SYT16: variants seen among roughly 807,000 people sequenced by gnomAD.
SYT16 encodes the protein synaptotagmin-16.
SYT16 carries 42 observed loss-of-function variants against 61.4 expected under a neutral mutation model. That is an observed-to-expected ratio of 0.68 (90% CI 0.53 to 0.89). SYT16 has a LOEUF of 0.89. SYT16 is among the 40% of genes least tolerant of loss of function. The pLI, the probability that SYT16 is intolerant of heterozygous loss-of-function variation, is 0.00. For missense variants in SYT16, 804 were observed against 807.3 expected (o/e 1.00, Z 0.05); for synonymous variants, 314 against 302.3 (o/e 1.04, Z -0.40).
intron 1 of SYT16, chr14:61,865,359 G>A (rs1404362089): frequency 4.6e-6 from 3 of 658,980 alleles, no homozygotes; most frequent in Middle Eastern, 5.4e-4. Context: ...AAGGGAAACA[G>A]GGCACACAAG....
intron 1 of SYT16, among the ~76,000 whole-genome samples, chr14:61,922,148 G>A (rs1156307503): frequency 6.6e-6 from 1 of 152,180 alleles, no homozygotes. Context: ...GCTAGACACA[G>A]AGCTACCATT....
At chr14:62,026,382 A>ACTGGTAT (rs922742065) in intron 3 of SYT16, among the ~76,000 whole-genome samples, 1 of 152,200 alleles carries the variant, frequency 6.6e-6, no homozygotes, top group Non-Finnish European at 1.5e-5. Context: ...AGATCAAGGC[A>ACTGGTAT]CTGGTATCTG....
At chr14:62,041,045 C>G (rs1253353521) in intron 3 of SYT16, among the ~76,000 whole-genome samples, 1 of 152,198 alleles carries the variant, frequency 6.6e-6, no homozygotes, top group East Asian at 1.9e-4. Context: ...AGTTCGAAAG[C>G]TGAAGAACTT....
At chr14:61,871,162 T>C (rs2047319690) in intron 1 of SYT16, among the ~76,000 whole-genome samples, 1 of 152,184 alleles carries the variant, frequency 6.6e-6, no homozygotes, top group Non-Finnish European at 1.5e-5. Flanking sequence ...AATTTGGCCC[T>C]ACTAATGAGG....
intron 1 of SYT16, among the ~76,000 whole-genome samples, chr14:61,920,478 C>T (rs1442371963): frequency 6.6e-6 from 1 of 152,008 alleles, no homozygotes; most frequent in African/African-American, 2.4e-5. Context: ...TGGTTTTAAC[C>T]TTTCTTTCTG....
chr14:61,836,181 A>G (rs1039624151), intron 1 of SYT16, among the ~76,000 whole-genome samples: 2 of 152,024 alleles, frequency 1.3e-5, no homozygotes, highest in Non-Finnish European at 1.5e-5. Flanking sequence ...TCAAGTCTTT[A>G]CTCCTGTATC....
chr14:62,111,532 T>C lies in SYT16; in HGVS notation c.*10825T>C, dbSNP rs1356990753. 1 of 152,142 alleles carries C rather than the reference T, an allele frequency of 6.6e-6. No homozygotes were observed. The highest frequency in any genetic ancestry group is 1.5e-5 in the Non-Finnish European group (1 of 67,972). The allele number at this position is 152,142 out of a possible 1,614,324, so 9.4% of individuals were successfully genotyped here. ...GTCAGTAATTTTATAAATTTCACTT[T>C]TGTGGATAGTTAAGTATAACATGGT... On this transcript the variant is annotated 3_prime_UTR_variant, in exon 8 of 8. Transcript: ENST00000683842.
intron 7 of SYT16, among the ~76,000 whole-genome samples, chr14:62,087,095 G>A (rs554049905): frequency 1.3e-5 from 2 of 152,302 alleles, no homozygotes; most frequent in South Asian, 2.1e-4. Context: ...CTTCATTATG[G>A]CACTCACACT....
At chr14:62,025,293 A>G (rs962405552) in intron 3 of SYT16, among the ~76,000 whole-genome samples, 1 of 152,136 alleles carries the variant, frequency 6.6e-6, no homozygotes, top group African/African-American at 2.4e-5. Context: ...ACCATTTCTA[A>G]TAAGTATGTA....
chr14:61,832,425 A>G (rs2045969101), intron 1 of SYT16: 1 of 457,014 alleles, frequency 2.2e-6, no homozygotes, highest in African/African-American at 2.0e-5. Flanking sequence ...CCGCGACCCC[A>G]GTAGTTCTTT....
At chr14:62,062,093 A>G (rs1419614989) in intron 3 of SYT16, among the ~76,000 whole-genome samples, 2 of 152,210 alleles carry the variant, frequency 1.3e-5, no homozygotes, top group African/African-American at 2.4e-5. Context: ...AAGATTTTCT[A>G]TTTGACTCAC....
At chr14:62,055,506 G>C (rs1038545125) in intron 3 of SYT16, among the ~76,000 whole-genome samples, 2 of 152,192 alleles carry the variant, frequency 1.3e-5, no homozygotes, top group African/African-American at 4.8e-5. Flanking sequence ...CCTGTGGTGA[G>C]GGTTTTGTGA....
At chr14:61,834,978 C>A in intron 1 of SYT16, among the ~76,000 whole-genome samples, 1 of 152,158 alleles carries the variant, frequency 6.6e-6, no homozygotes, top group East Asian at 1.9e-4. Flanking sequence ...GTTTTAGTTT[C>A]ATTAAGGTCT....
chr14:61,841,410 A>G (rs891219405), intron 1 of SYT16, among the ~76,000 whole-genome samples: 2 of 152,236 alleles, frequency 1.3e-5, no homozygotes, highest in Non-Finnish European at 2.9e-5. Flanking sequence ...CTGCTTTCAT[A>G]TTCATTAGCA....
intron 1 of SYT16, among the ~76,000 whole-genome samples, chr14:61,884,777 C>T (rs1190058463): frequency 6.6e-6 from 1 of 152,096 alleles, no homozygotes; most frequent in South Asian, 2.1e-4. Context: ...AGCTTTTGCT[C>T]ATGCAGTGTC....
At chr14:62,030,467 C>A (rs2054272091) in intron 3 of SYT16, among the ~76,000 whole-genome samples, 1 of 152,186 alleles carries the variant, frequency 6.6e-6, no homozygotes, top group African/African-American at 2.4e-5. Context: ...AGTGTGGCCT[C>A]AATTTACCTT....
At chr14:61,979,067 ATT>A (rs780645143) in intron 2 of SYT16, among the ~76,000 whole-genome samples, 16 of 152,214 alleles carry the variant, frequency 1.1e-4, no homozygotes, top group Non-Finnish European at 2.1e-4. Flanking sequence ...TTTGGATAAC[ATT>A]CTGTTTTCCT....
intron 1 of SYT16, among the ~76,000 whole-genome samples, chr14:61,833,706 CTTTTT>C (rs11357318): frequency 0.013 from 623 of 48,350 alleles, 2 homozygotes; most frequent in Non-Finnish European, 0.018. Flanking sequence ...CCAGCAGTGG[CTTTTT>C]TTTTTTTTTT....
At chr14:61,976,456 A>C (rs1186836128) in intron 2 of SYT16, among the ~76,000 whole-genome samples, 2 of 152,174 alleles carry the variant, frequency 1.3e-5, no homozygotes, top group Middle Eastern at 3.2e-3. Context: ...CAGCTCCTGC[A>C]GCAAACTTCT....
Sources: allele counts gnomAD v4.1 joint callset (sites outside exome capture counted in the v4.1 genomes callset), GRCh38; gene constraint gnomAD v4.1.1; transcripts MANE v1.5; gene names NCBI Gene and HGNC (gene_info 2026-07-23, HGNC 2026-07-21).